MEGF11: variants seen among roughly 807,000 people sequenced by gnomAD.
MEGF11 encodes multiple epidermal growth factor-like domains protein 11.
Under a neutral mutation model 146.6 loss-of-function variants are expected in MEGF11, and 126 were observed. The observed-to-expected ratio is 0.86, with a 90% CI of 0.74 to 1.00. The LOEUF is 1.00. MEGF11 is among the 50% of genes least tolerant of loss of function. The pLI is 0.00. For missense variants in MEGF11, 1,509 were observed against 1,521.2 expected (o/e 0.99, Z 0.13); for synonymous variants, 532 against 583.4 (o/e 0.91, Z 1.27).
intron 13 of MEGF11, among the ~76,000 whole-genome samples, chr15:65,926,108 T>A (rs2079362693): frequency 6.6e-6 from 1 of 152,204 alleles, no homozygotes; most frequent in Non-Finnish European, 1.5e-5. Flanking sequence ...AACTGTTGCT[T>A]TTTACCATTT....
In MEGF11 at chr15:66,197,613, G is replaced by A. The variant is rs563500378; in HGVS notation, c.-9+55992C>T. 7.2e-5 allele frequency among the ~76,000 whole-genome samples: 11 copies of A among 152,172 alleles called. No homozygotes were observed. In the South Asian group the frequency reaches 1.7e-3, roughly 23 times the overall value. On this transcript the variant is annotated intron_variant, in intron 1 of 25. Transcript: ENST00000395614. ...AATTTTTTGTATTTTTAGTAGATAC[G>A]GGGTTTCACCATGTTGGCCAGGATG...
At chr15:66,007,996 C>T (rs77304431) in intron 5 of MEGF11, among the ~76,000 whole-genome samples, 3,472 of 152,234 alleles carry the variant, frequency 0.023, 137 homozygotes, top group African/African-American at 0.078. Flanking sequence ...GCCCTCTCTG[C>T]AGCACCTCCT....
intron 9 of MEGF11, 133 bp downstream of exon 9, chr15:65,964,775 G>T: frequency 1.2e-6 from 1 of 826,242 alleles, no homozygotes; most frequent in Non-Finnish European, 1.9e-6. Context: ...AGGGCTCAGT[G>T]CTGAGGTCCT....
chr15:66,118,053 A>C (rs1021749232), intron 4 of MEGF11, among the ~76,000 whole-genome samples: 5 of 152,154 alleles, frequency 3.3e-5, no homozygotes, highest in South Asian at 2.1e-4. Context: ...TACCCACTCG[A>C]ATGGCAAAGA....
intron 9 of MEGF11, among the ~76,000 whole-genome samples, chr15:65,960,662 G>C (rs1010796751): frequency 2.0e-5 from 3 of 152,232 alleles, no homozygotes; most frequent in African/African-American, 7.2e-5. Flanking sequence ...GATTCTAAAA[G>C]GTCTCAGGCA....
chr15:66,042,136 A>G (rs1271287767), intron 5 of MEGF11, among the ~76,000 whole-genome samples: 1 of 145,424 alleles, frequency 6.9e-6, no homozygotes, highest in Non-Finnish European at 1.5e-5. Context: ...CCTGAGACAG[A>G]GCCTCACTCC....
chr15:66,242,100 A>C (rs1056505783), intron 1 of MEGF11, among the ~76,000 whole-genome samples: 1 of 152,194 alleles, frequency 6.6e-6, no homozygotes, highest in African/African-American at 2.4e-5. Context: ...TAGTCTTCAC[A>C]AAGCAGCACT....
intron 12 of MEGF11, among the ~76,000 whole-genome samples, chr15:65,929,136 T>G (rs1224965312): frequency 2.0e-5 from 3 of 152,206 alleles, no homozygotes; most frequent in Admixed American, 6.5e-5. Context: ...AGCCAAGATT[T>G]GAACCCAGGA....
chr15:66,118,904 G>A (rs1304218482), intron 4 of MEGF11, among the ~76,000 whole-genome samples, 182 bp downstream of exon 4: 1 of 152,212 alleles, frequency 6.6e-6, no homozygotes, highest in Non-Finnish European at 1.5e-5. Flanking sequence ...CCTTGCTACT[G>A]TATTTGCACC....
At chr15:66,042,073 AT>A (rs1423930822) in intron 5 of MEGF11, among the ~76,000 whole-genome samples, 5 of 150,934 alleles carry the variant, frequency 3.3e-5, no homozygotes, top group Non-Finnish European at 7.4e-5. Flanking sequence ...GTATTTGGTC[AT>A]GTAGCAGAGA....
chr15:65,966,489 T>C (rs2081103119), intron 8 of MEGF11, among the ~76,000 whole-genome samples: 1 of 152,238 alleles, frequency 6.6e-6, no homozygotes, highest in Non-Finnish European at 1.5e-5. Context: ...TTGGGCCAGA[T>C]GTACAGTCTC....
Position 65,980,972 on chromosome 15 carries a change from C to T in MEGF11, c.642-74G>A, listed in dbSNP as rs146097720. ...GGCAGGGCCCCAGTGCTCCAGGGTT[C>T]CCTAGGAATTCCTCCGCAGTTAATG... On this transcript the variant is annotated intron_variant, in intron 6 of 25. Coordinates refer to ENST00000395614, the MANE Select transcript of MEGF11 (RefSeq NM_001385028.1). 7 of 1,460,466 alleles carry T rather than the reference C, an allele frequency of 4.8e-6. No individual in the cohort carries two copies. The Admixed American group carries it at 1.9e-4, about 40-fold the overall frequency. 90.5% of individuals were successfully genotyped at this position (1,460,466 alleles called of 1,614,324 possible).
intron 7 of MEGF11, among the ~76,000 whole-genome samples, chr15:65,978,889 CCT>C (rs1272211416): frequency 6.6e-6 from 1 of 152,160 alleles, no homozygotes; most frequent in East Asian, 1.9e-4. Context: ...GGTCCCTTAC[CCT>C]CTCTGAGCCT....
At chr15:66,233,322 G>A (rs920302605) in intron 1 of MEGF11, among the ~76,000 whole-genome samples, 1 of 151,974 alleles carries the variant, frequency 6.6e-6, no homozygotes, top group Non-Finnish European at 1.5e-5. Flanking sequence ...TGCAACCTCC[G>A]CCTCCCAGGT....
At chr15:65,938,881 T>G (rs2079880680) in intron 10 of MEGF11, among the ~76,000 whole-genome samples, 1 of 152,256 alleles carries the variant, frequency 6.6e-6, no homozygotes, top group Non-Finnish European at 1.5e-5. Context: ...AAATATTGTT[T>G]ATTGAATTTT....
chr15:65,985,951 G>C (rs1449025822), intron 5 of MEGF11, among the ~76,000 whole-genome samples: 2 of 140,510 alleles, frequency 1.4e-5, no homozygotes, highest in Non-Finnish European at 3.2e-5. Context: ...GTTTGTGTCT[G>C]CATTTTTTTT....
intron 5 of MEGF11, among the ~76,000 whole-genome samples, chr15:65,991,116 C>T (rs1437004585): frequency 6.6e-6 from 1 of 152,124 alleles, no homozygotes; most frequent in Non-Finnish European, 1.5e-5. Context: ...GTTACTTAAC[C>T]ACACCGTCTA....
chr15:66,076,434 T>C (rs796972396), intron 5 of MEGF11, among the ~76,000 whole-genome samples: 19 of 152,290 alleles, frequency 1.2e-4, no homozygotes, highest in African/African-American at 4.3e-4. Context: ...ATAGTAGACA[T>C]ATTTTTATAA....
At chr15:66,148,605 G>A (rs2089455505) in intron 1 of MEGF11, among the ~76,000 whole-genome samples, 1 of 152,078 alleles carries the variant, frequency 6.6e-6, no homozygotes, top group Admixed American at 6.5e-5. Flanking sequence ...AGTAGCAATT[G>A]GGTTGCACAG....
Sources: allele counts gnomAD v4.1 joint callset (sites outside exome capture counted in the v4.1 genomes callset), GRCh38; gene constraint gnomAD v4.1.1; transcripts MANE v1.5; gene names NCBI Gene and HGNC (gene_info 2026-07-23, HGNC 2026-07-21).